KAZN: variants seen among roughly 807,000 people sequenced by gnomAD.
KAZN encodes kazrin, periplakin interacting protein, also known as kazrin.
A neutral mutation model predicts 87.4 loss-of-function variants in KAZN; 40 were observed. That is an observed-to-expected ratio of 0.46 (90% CI 0.36 to 0.60). KAZN has a LOEUF of 0.60. Among genes scored for constraint, KAZN ranks in the 20% least tolerant of loss-of-function variants. The pLI, the probability that KAZN is intolerant of heterozygous loss-of-function variation, is 0.00. For missense variants in KAZN, 898 were observed against 1,073.9 expected (o/e 0.84, Z 2.29); for synonymous variants, 466 against 458.3 (o/e 1.02, Z -0.22).
chr1:14,637,780 T>G (rs1680105610), intron 1 of KAZN, among the ~76,000 whole-genome samples: 2 of 145,714 alleles, frequency 1.4e-5, no homozygotes, highest in Admixed American at 1.3e-4. Context: ...CATATATATG[T>G]GTGTGTGCAT....
intron 2 of KAZN, among the ~76,000 whole-genome samples, chr1:14,243,942 G>A (rs1434334466): frequency 1.3e-5 from 2 of 152,298 alleles, no homozygotes; most frequent in African/African-American, 4.8e-5. Context: ...CCCTGGGGGA[G>A]CCAAGGAAAA....
At chr1:14,349,897 G>T (rs1473375189) in intron 2 of KAZN, among the ~76,000 whole-genome samples, 1 of 152,096 alleles carries the variant, frequency 6.6e-6, no homozygotes, top group African/African-American at 2.4e-5. Context: ...AGCACTTTGG[G>T]AGGCGGAGGA....
At chr1:14,854,252 T>C (rs1291181428) in intron 1 of KAZN, among the ~76,000 whole-genome samples, 1 of 152,244 alleles carries the variant, frequency 6.6e-6, no homozygotes, top group Non-Finnish European at 1.5e-5. Flanking sequence ...TGGTGAGTGC[T>C]TCCAGCTACC....
chr1:14,884,118 G>A (rs1653782624), intron 1 of KAZN, among the ~76,000 whole-genome samples: 2 of 152,174 alleles, frequency 1.3e-5, no homozygotes, highest in African/African-American at 4.8e-5. Flanking sequence ...TTCAGGCCGG[G>A]CGCGGGGGCT....
chr1:14,327,568 T>G (rs543058332), intron 2 of KAZN, among the ~76,000 whole-genome samples: 5 of 152,320 alleles, frequency 3.3e-5, no homozygotes, highest in East Asian at 1.9e-4. Context: ...GCCTAGAGTC[T>G]AATTATTTAA....
intron 1 of KAZN, among the ~76,000 whole-genome samples, chr1:14,612,246 C>T (rs1677882107): frequency 6.6e-6 from 1 of 152,152 alleles, no homozygotes; most frequent in African/African-American, 2.4e-5. Context: ...CTTGCTGCCG[C>T]TCAGTGGTTT....
intron 1 of KAZN, among the ~76,000 whole-genome samples, chr1:14,081,048 T>G (rs548415221): frequency 5.3e-4 from 80 of 151,992 alleles, no homozygotes; most frequent in African/African-American, 1.9e-3. Flanking sequence ...TCACCTTAAT[T>G]AAAAATTATC....
chr1:14,924,825 C>G (rs1658989521), intron 1 of KAZN, among the ~76,000 whole-genome samples: 1 of 152,132 alleles, frequency 6.6e-6, no homozygotes. Context: ...CGGAGCCAGG[C>G]GATCCCGCGG....
At chr1:14,941,671 A>T (rs1343462669) in intron 1 of KAZN, among the ~76,000 whole-genome samples, 1 of 152,176 alleles carries the variant, frequency 6.6e-6, no homozygotes, top group Non-Finnish European at 1.5e-5. Flanking sequence ...CTTTCTCCAG[A>T]GATCAGGAGC....
At chr1:14,731,019 G>T (rs1428448877) in intron 1 of KAZN, among the ~76,000 whole-genome samples, 3 of 152,088 alleles carry the variant, frequency 2.0e-5, no homozygotes, top group Non-Finnish European at 4.4e-5. Flanking sequence ...CCTGGCTATT[G>T]TTCTGTTTGC....
chr1:14,430,422 G>T (rs1160573805), intron 2 of KAZN, among the ~76,000 whole-genome samples: 1 of 152,142 alleles, frequency 6.6e-6, no homozygotes, highest in East Asian at 1.9e-4. Flanking sequence ...TTTATCGAAA[G>T]AAATTAGCCA....
At chr1:14,028,474 C>G (rs936752927) in intron 1 of KAZN, among the ~76,000 whole-genome samples, 1 of 152,180 alleles carries the variant, frequency 6.6e-6, no homozygotes, top group African/African-American at 2.4e-5. Context: ...GCATTTCTAT[C>G]ACATACTCAC....
intron 2 of KAZN, among the ~76,000 whole-genome samples, chr1:14,998,345 C>G (rs1400312685): frequency 1.3e-5 from 2 of 152,094 alleles, no homozygotes; most frequent in Non-Finnish European, 2.9e-5. Flanking sequence ...AAGGATGTTG[C>G]TCTCAGAAGA....
In KAZN at chr1:14,648,574, A is replaced by G. The variant is rs78266648; in HGVS notation, c.226+49351A>G. 7.2e-3 allele frequency among the ~76,000 whole-genome samples: 1,090 copies of G among 152,262 alleles called. 14 individuals carry two copies. Among genetic ancestry groups the G allele is most frequent in the African/African-American group, 0.024 (1,006 of 41,552 alleles). On this transcript the variant is annotated intron_variant, in intron 1 of 14. Coordinates refer to ENST00000376030, the MANE Select transcript of KAZN (RefSeq NM_201628.3). ...GTTGGCAGGAAAACTAGAGCTGCAG[A>G]GAGGCTGGGCTTGACGTTTCTCCTT...
At chr1:14,607,474 G>A (rs1677461286) in intron 1 of KAZN, among the ~76,000 whole-genome samples, 1 of 152,196 alleles carries the variant, frequency 6.6e-6, no homozygotes, top group Non-Finnish European at 1.5e-5. Context: ...CCAAGAAACT[G>A]TTATTGTTCT....
intron 1 of KAZN, among the ~76,000 whole-genome samples, chr1:14,704,973 T>C (rs1169859543): frequency 6.6e-6 from 1 of 152,214 alleles, no homozygotes; most frequent in Non-Finnish European, 1.5e-5. Flanking sequence ...CCCCAGTTAG[T>C]GCACTATCTA....
chr1:14,561,611 C>T (rs1224917511), intron 2 of KAZN, among the ~76,000 whole-genome samples: 3 of 152,022 alleles, frequency 2.0e-5, no homozygotes, highest in Non-Finnish European at 4.4e-5. Context: ...CCTCCCATGT[C>T]GAAAGTTCTG....
chr1:14,387,089 T>C (rs1661980458), intron 2 of KAZN, among the ~76,000 whole-genome samples: 1 of 152,238 alleles, frequency 6.6e-6, no homozygotes, highest in African/African-American at 2.4e-5. Context: ...ATACCCTTTC[T>C]TCCAGTTGAT....
intron 2 of KAZN, among the ~76,000 whole-genome samples, chr1:14,278,827 T>C (rs1057400660): frequency 6.6e-6 from 1 of 152,074 alleles, no homozygotes; most frequent in Non-Finnish European, 1.5e-5. Flanking sequence ...TTCTGGATAT[T>C]TTTTTAGTCT....
Sources: gnomAD v4.1 joint callset for allele counts (sites outside exome capture counted in the v4.1 genomes callset) on GRCh38, gnomAD v4.1.1 for gene constraint, MANE v1.5 for transcripts, NCBI Gene and HGNC (gene_info 2026-07-23, HGNC 2026-07-21) for gene names.